NCAM2: variants seen among roughly 807,000 people sequenced by gnomAD.
NCAM2 encodes the protein N-CAM-2.
NCAM2 carries 30 observed loss-of-function variants against 98.1 expected under a neutral mutation model. The observed-to-expected ratio is 0.31, with a 90% CI of 0.23 to 0.41. NCAM2 has a LOEUF of 0.41. NCAM2 is among the 10% of genes least tolerant of loss of function. The probability of loss-of-function intolerance (pLI) is 1.00; values close to 1 mark genes in which losing one functional copy is unlikely to be tolerated. For missense variants in NCAM2, 867 were observed against 1,005.8 expected, an observed-to-expected ratio of 0.86 and a Z score of 1.87; for synonymous variants, 368 against 342.4, an observed-to-expected ratio of 1.07 and a Z score of -0.83.
intron 1 of NCAM2, among the ~76,000 whole-genome samples, chr21:21,089,628 C>G (rs1381670460): frequency 2.0e-5 from 3 of 152,064 alleles, no homozygotes; most frequent in East Asian, 1.9e-4. Flanking sequence ...AGCAACTGCT[C>G]TCTGCTTTCT....
chr21:21,030,214 T>C (rs1441845654), intron 1 of NCAM2, among the ~76,000 whole-genome samples: 1 of 152,192 alleles, frequency 6.6e-6, no homozygotes, highest in African/African-American at 2.4e-5. Context: ...CATAATCTTT[T>C]AAGGTAAATA....
At chr21:21,365,626 C>T (rs542022149) in intron 8 of NCAM2, among the ~76,000 whole-genome samples, 1 of 151,712 alleles carries the variant, frequency 6.6e-6, no homozygotes, top group Non-Finnish European at 1.5e-5. Context: ...TGGTAGTAGG[C>T]GAGAACACTA....
intron 9 of NCAM2, among the ~76,000 whole-genome samples, chr21:21,378,030 C>T (rs1373799709): frequency 6.6e-6 from 1 of 151,982 alleles, no homozygotes; most frequent in Admixed American, 6.6e-5. Flanking sequence ...TTTTTAAATG[C>T]TCAATAGTAT....
rs1987295261 is a variant in NCAM2 at position 21,497,094 on chromosome 21, C to A, written c.2078-11757C>A. 2.6e-5 allele frequency among the ~76,000 whole-genome samples: 4 copies of A among 152,068 alleles called. No individual in the cohort carries two copies. In the South Asian group the frequency reaches 8.3e-4, roughly 32 times the overall value. On this transcript the variant is annotated intron_variant, in intron 15 of 17. Coordinates refer to ENST00000400546, the MANE Select transcript of NCAM2 (RefSeq NM_004540.5). ...TAGAGCGGGAGGCCATAGTCCTAAG[C>A]AAATTAACTCAGCAACAGAAAACAA...
chr21:21,344,197 A>G (rs1184452063), intron 8 of NCAM2, among the ~76,000 whole-genome samples: 2 of 152,150 alleles, frequency 1.3e-5, no homozygotes, highest in East Asian at 3.9e-4. Context: ...GCATTCATCA[A>G]TGGCTAACTA....
rs183264122 is a variant in NCAM2 at position 21,139,260 on chromosome 21, G to C, written c.55+140642G>C. On this transcript the variant is annotated intron_variant, in intron 1 of 17. Transcript: ENST00000400546. Reference sequence around the variant, plus strand: ...TGGCGAAGGCCACCAGAAGCTGTAAGAGGCAAAGAACAGATTCACCCCTAA... The same window carrying C: ...TGGCGAAGGCCACCAGAAGCTGTAACAGGCAAAGAACAGATTCACCCCTAA... 4.6e-5 allele frequency among the ~76,000 whole-genome samples: 7 copies of C among 152,342 alleles called. No homozygotes were observed. In the East Asian group the frequency reaches 1.4e-3, roughly 29 times the overall value.
intron 16 of NCAM2, among the ~76,000 whole-genome samples, chr21:21,510,536 C>A (rs766810790): frequency 1.3e-5 from 2 of 152,020 alleles, no homozygotes; most frequent in African/African-American, 4.8e-5. Context: ...ATTGTTGAAT[C>A]ATTTATATTC....
chr21:21,318,948 A>G (rs77422241), intron 5 of NCAM2, among the ~76,000 whole-genome samples: 1,940 of 152,316 alleles, frequency 0.013, 44 homozygotes, highest in African/African-American at 0.045. Context: ...AAGAAAAAAT[A>G]TTGAAATATT....
chr21:21,342,285 T>C (rs932335705), intron 8 of NCAM2, among the ~76,000 whole-genome samples: 84 of 152,328 alleles, frequency 5.5e-4, no homozygotes, highest in African/African-American at 1.9e-3. Context: ...CTTTTGATTT[T>C]GTGGATCAGA....
At chr21:21,385,349 A>G (rs1169692566) in intron 9 of NCAM2, among the ~76,000 whole-genome samples, 1 of 149,876 alleles carries the variant, frequency 6.7e-6, no homozygotes, top group Non-Finnish European at 1.5e-5. Flanking sequence ...ACAAAAAATT[A>G]CAAAGACATT....
chr21:21,324,664 T>C (rs2074466383), intron 6 of NCAM2, among the ~76,000 whole-genome samples, 164 bp downstream of exon 6: 1 of 152,118 alleles, frequency 6.6e-6, no homozygotes, highest in Non-Finnish European at 1.5e-5. Flanking sequence ...TAGATTAAAC[T>C]GCTAAAGAGA....
At chr21:21,465,408 C>T (rs1983550724) in intron 12 of NCAM2, among the ~76,000 whole-genome samples, 1 of 151,738 alleles carries the variant, frequency 6.6e-6, no homozygotes, top group South Asian at 2.1e-4. Flanking sequence ...TAGTGAGACC[C>T]CATCTCTATA....
chr21:21,343,176 T>C (rs2075091791), intron 8 of NCAM2, among the ~76,000 whole-genome samples: 1 of 152,186 alleles, frequency 6.6e-6, no homozygotes, highest in Admixed American at 6.5e-5. Context: ...TACTGGTTTT[T>C]GTTAAAATAC....
chr21:21,515,894 G>A (rs185704022), intron 16 of NCAM2, among the ~76,000 whole-genome samples: 2 of 152,144 alleles, frequency 1.3e-5, no homozygotes, highest in East Asian at 3.9e-4. Flanking sequence ...TAGAGTTTTT[G>A]TATTCCTTGC....
At chr21:21,027,865 T>G (rs2064584859) in intron 1 of NCAM2, among the ~76,000 whole-genome samples, 1 of 152,078 alleles carries the variant, frequency 6.6e-6, no homozygotes, top group African/African-American at 2.4e-5. Flanking sequence ...TAAGTTTTTT[T>G]TTTTTTTTGA....
chr21:21,500,104 GTT>G, intron 15 of NCAM2, among the ~76,000 whole-genome samples: 1 of 152,168 alleles, frequency 6.6e-6, no homozygotes, highest in East Asian at 1.9e-4. Context: ...AATTTTAAAA[GTT>G]TTCTAGAAGG....
At chr21:21,295,578 G>C (rs972856689) in intron 5 of NCAM2, among the ~76,000 whole-genome samples, 23 of 151,822 alleles carry the variant, frequency 1.5e-4, no homozygotes, top group African/African-American at 5.3e-4. Context: ...CAAACTTCAA[G>C]AAAACATCAC....
intron 1 of NCAM2, among the ~76,000 whole-genome samples, chr21:21,134,085 C>T (rs1368916910): frequency 2.3e-4 from 32 of 136,426 alleles, no homozygotes; most frequent in African/African-American, 8.7e-4. Context: ...TTTTTTTCCC[C>T]TGAGATGATG....
At chr21:21,320,171 G>A (rs898734549) in intron 5 of NCAM2, among the ~76,000 whole-genome samples, 14 of 152,072 alleles carry the variant, frequency 9.2e-5, no homozygotes, top group African/African-American at 3.4e-4. Flanking sequence ...CCCAAAATTT[G>A]CTATTCGTCA....
Sources: allele counts gnomAD v4.1 joint callset (sites outside exome capture counted in the v4.1 genomes callset), GRCh38; gene constraint gnomAD v4.1.1; transcripts MANE v1.5; gene names NCBI Gene and HGNC (gene_info 2026-07-23, HGNC 2026-07-21).